The following ZNF382 variants were observed in gnomAD, a reference collection of about 807,000 sequenced individuals.
ZNF382 encodes zinc finger protein 382.
In ZNF382, 20 loss-of-function variants were observed where a neutral mutation model predicts 38.8. That is an observed-to-expected ratio of 0.51 (90% confidence interval 0.36 to 0.75). The LOEUF is 0.75. ZNF382 is among the 30% of genes least tolerant of loss of function. The pLI, the probability that ZNF382 is intolerant of heterozygous loss-of-function variation, is 0.00. For synonymous variants in ZNF382, 202 were observed against 223.1 expected (o/e 0.91, Z 0.84); for missense variants, 546 against 654.1 (o/e 0.83, Z 1.80).
intron 4 of ZNF382, among the ~76,000 whole-genome samples, chr19:36,619,691 G>A (rs530168865): frequency 6.6e-6 from 1 of 152,208 alleles, no homozygotes; most frequent in South Asian, 2.1e-4. Context: ...TATGTTTGAG[G>A]CTGGGTTACT....
intron 4 of ZNF382, among the ~76,000 whole-genome samples, chr19:36,620,677 G>A (rs1172317913): frequency 6.6e-6 from 1 of 151,944 alleles, no homozygotes; most frequent in African/African-American, 2.4e-5. Flanking sequence ...ACTATCAATT[G>A]TCCTATCCTT....
chr19:36,626,149 A>G lies in ZNF382; in HGVS notation c.252A>G (p.Glu84=). The part of the protein sequence containing the change: ...YSYLEEDGKT[E]DVLVKFKEYQ... ...TTCTAGAAGAAGATGGGAAAACTGA[A>G]GATGTCTTAGTGAAGTTCAAAGAAT... The change falls in exon 5 of 5, where the codon GAA becomes GAG. Residue 84 remains glutamate (E), a synonymous_variant. Coordinates refer to ENST00000292928, the MANE Select transcript of ZNF382 (RefSeq NM_032825.5). The G allele has an allele frequency of 1.3e-6, 2 of 1,547,790 alleles. No individual in the cohort carries two copies. The highest frequency in any genetic ancestry group is 1.7e-6 in the Non-Finnish European group (2 of 1,154,160).
At chr19:36,607,750 A>C (rs917666157) in intron 2 of ZNF382, 128 bp downstream of exon 2, 2 of 1,005,014 alleles carry the variant, frequency 2.0e-6, no homozygotes, top group Non-Finnish European at 2.8e-6. Context: ...AGTCAGGGCC[A>C]GATTAGGCTG....
intron 4 of ZNF382, among the ~76,000 whole-genome samples, chr19:36,622,920 A>G (rs1195347601): frequency 2.6e-5 from 4 of 152,182 alleles, no homozygotes. Context: ...TGACTACTGT[A>G]TAGACTATGT....
In ZNF382 at chr19:36,610,165, ATAT is replaced by A. The variant is rs2037065828; in HGVS notation, c.139+116_139+118del. On this transcript the variant is annotated intron_variant, in intron 3 of 4. Transcript: ENST00000292928. The stretch of plus-strand genomic sequence containing the variant: ...GAGGTGATTATTTTTTTGGCAGAAA[ATAT>A]TATATTGCCAGGCACAGTGGCTCAC... The A allele has an allele frequency of 1.0e-5, 14 of 1,372,536 alleles. No individual in the cohort carries two copies. The East Asian group carries it at 3.1e-4, about 31-fold the overall frequency. The allele number at this position is 1,372,536 out of a possible 1,614,324, so 85.0% of individuals were successfully genotyped here. A position where few individuals can be genotyped will look rare whatever the true frequency, so the allele number is the denominator to read the frequency against.
At position 36,610,052 on chromosome 19, in the gene ZNF382, G is replaced by C; in HGVS notation, c.138G>C (p.Val46=). The change falls in exon 3 of 5, where the codon GTG becomes GTC. Residue 46 remains valine (V), a splice_region_variant and synonymous_variant. Coordinates refer to ENST00000292928, the MANE Select transcript of ZNF382 (RefSeq NM_032825.5). ...AAAACTATTGCCACTTCGTATCTGT[G>C]GGTAAGAAACACTCCTGAATCTTTC... ...MLENYCHFVS[V]GFHMAKPDMI... The C allele has an allele frequency of 6.2e-7, 1 of 1,613,586 alleles. No individual in the cohort carries two copies. Among genetic ancestry groups the C allele is most frequent in the Non-Finnish European group, 8.5e-7 (1 of 1,179,846 alleles).
intron 4 of ZNF382, among the ~76,000 whole-genome samples, chr19:36,611,268 C>T (rs1371908322): frequency 6.6e-6 from 1 of 151,852 alleles, no homozygotes; most frequent in African/African-American, 2.4e-5. Flanking sequence ...CCAGCCTAGG[C>T]GACAGAGCGA....
Position 36,607,585 on chromosome 19 carries a change from GA to G in ZNF382, c.-50del, listed in dbSNP as rs2037044734. The G allele has an allele frequency of 2.0e-6, 3 of 1,534,624 alleles. No homozygotes were observed. The highest frequency in any genetic ancestry group is 2.7e-5 in the African/African-American group (2 of 73,046). ...CTTTTTCCAAAAGAGGAGCTCAAAA[GA>G]GAAAGTTCATCTAGAAATCTCAAAG... is the stretch of plus-strand genomic sequence containing the variant. On this transcript the variant is annotated 5_prime_UTR_variant, in exon 2 of 5. Transcript: ENST00000292928.
Position 36,627,120 on chromosome 19 carries a change from A to G in ZNF382, c.1223A>G (p.Tyr408Cys). ...HQRTHTGEKP[Y>C]QCNECGKAFI... ...AGAACTCACACAGGAGAGAAACCGTATCAGTGTAATGAGTGTGGGAAGGCA... is the reference window on the plus strand; with the variant it reads ...AGAACTCACACAGGAGAGAAACCGTGTCAGTGTAATGAGTGTGGGAAGGCA... Residue 408 changes from tyrosine (Y) to cysteine (C), a missense_variant, in exon 5 of 5, where the codon TAT becomes TGT. Tyr to Cys is a radical substitution (Grantham distance 194). Coordinates refer to ENST00000292928, the MANE Select transcript of ZNF382 (RefSeq NM_032825.5). The G allele has an allele frequency of 6.2e-7, 1 of 1,614,190 alleles. No individual in the cohort carries two copies. The highest frequency in any genetic ancestry group is 8.5e-7 in the Non-Finnish European group (1 of 1,180,030).
rs754114549 is a variant in ZNF382, at chr19:36,626,348, A to G, written c.451A>G (p.Ile151Val). Reference sequence around the variant, plus strand: ...TTTGAAAAATATTTCAGAACTAGTCATTAGAAATATAAGCCCCATAAAAGA... The same window carrying G: ...TTTGAAAAATATTTCAGAACTAGTCGTTAGAAATATAAGCCCCATAAAAGA... ...KVLKNISELV[I>V]RNISPIKEKF... Residue 151 changes from isoleucine to valine, a missense_variant, in exon 5 of 5, where the codon ATT (isoleucine) becomes GTT (valine). Ile to Val is a conservative substitution (Grantham distance 29, BLOSUM62 3). Transcript: ENST00000292928. 9.5e-6 allele frequency: 15 copies of G among 1,581,902 alleles called. No homozygotes were observed. Among genetic ancestry groups the G allele is most frequent in the Non-Finnish European group, 1.2e-5 (14 of 1,169,164 alleles).
Position 36,626,235 on chromosome 19 carries a change from G to A in ZNF382, c.338G>A (p.Arg113Lys), listed in dbSNP as rs772538250. 8.1e-6 allele frequency: 13 copies of A among 1,609,060 alleles called. No individual in the cohort carries two copies. The highest frequency in any genetic ancestry group is 3.4e-6 in the Non-Finnish European group (4 of 1,178,624). Reference sequence around the variant, plus strand: ...AACCACAAAAAACTAATTAAGGAGAGAAGTAATATTTATGGTAAAACATTT... The same window carrying A: ...AACCACAAAAAACTAATTAAGGAGAAAAGTAATATTTATGGTAAAACATTT... ...FINHKKLIKE[R>K]SNIYGKTFTL... The change falls in exon 5 of 5, where the codon AGA becomes AAA. Residue 113 changes from arginine (R) to lysine (K), a missense_variant. By Grantham distance (26) the Arg-to-Lys change is conservative. Coordinates refer to ENST00000292928, the MANE Select transcript of ZNF382 (RefSeq NM_032825.5).
chr19:36,630,945 C>T lies in ZNF382; in HGVS notation c.*3395C>T, dbSNP rs1446310316. The stretch of plus-strand genomic sequence containing the variant: ...GACTACAGGCAGGCGCCATTCCTCT[C>T]AGCTAATGTTTTTATTTTTTATACA... On this transcript the variant is annotated 3_prime_UTR_variant, in exon 5 of 5. Transcript: ENST00000292928. The T allele has an allele frequency of 6.6e-6, 1 of 151,868 alleles. No homozygotes were observed. The highest frequency in any genetic ancestry group is 1.5e-5 in the Non-Finnish European group (1 of 67,990). 9.4% of individuals were successfully genotyped at this position (151,868 alleles called of 1,614,324 possible). A position where few individuals can be genotyped will look rare whatever the true frequency, so the allele number is the denominator to read the frequency against.
chr19:36,620,867 T>C (rs772735100), intron 4 of ZNF382, among the ~76,000 whole-genome samples: 37 of 152,032 alleles, frequency 2.4e-4, no homozygotes, highest in African/African-American at 3.9e-4. Flanking sequence ...CAAGTGATCC[T>C]CTCTCCTCAG....
chr19:36,609,780 A>G, intron 2 of ZNF382, 122 bp from the exon 3 acceptor site: 2 of 826,960 alleles, frequency 2.4e-6, no homozygotes, highest in South Asian at 2.3e-5. Context: ...ATACAAATGG[A>G]TGTATTTTCA....
intron 1 of ZNF382, among the ~76,000 whole-genome samples, chr19:36,606,882 A>G (rs2037034148): frequency 6.6e-6 from 1 of 151,908 alleles, no homozygotes; most frequent in African/African-American, 2.4e-5. Flanking sequence ...ATTCGAGACC[A>G]GCCTGACCAA....
At chr19:36,615,389 A>G (rs1488247055) in intron 4 of ZNF382, among the ~76,000 whole-genome samples, 2 of 152,220 alleles carry the variant, frequency 1.3e-5, no homozygotes, top group East Asian at 1.9e-4. Context: ...TCTGCTACAT[A>G]CTAGCATTCT....
At position 36,631,692 on chromosome 19, in the gene ZNF382, A is replaced by G. The variant is rs1308758160; in HGVS notation, c.*4142A>G. 6.6e-6 allele frequency: 1 copy of G among 152,126 alleles called. No individual in the cohort carries two copies. Among genetic ancestry groups the G allele is most frequent in the South Asian group, 2.1e-4 (1 of 4,830 alleles). The allele number at this position is 152,126 out of a possible 1,614,324, so 9.4% of individuals were successfully genotyped here. Reference sequence around the variant, plus strand: ...TGAGCCACCATGCCTGGCTGGTACTATAATCTTATGAGACCACCATTATAT... The same window carrying G: ...TGAGCCACCATGCCTGGCTGGTACTGTAATCTTATGAGACCACCATTATAT... On this transcript the variant is annotated 3_prime_UTR_variant, in exon 5 of 5. Coordinates refer to ENST00000292928, the MANE Select transcript of ZNF382 (RefSeq NM_032825.5).
At position 36,626,861 on chromosome 19, in the gene ZNF382, A is replaced by G. The variant is rs2037218135; in HGVS notation, c.964A>G (p.Lys322Glu). 1 of 1,614,136 alleles carries G rather than the reference A, an allele frequency of 6.2e-7. No individual in the cohort carries two copies. The highest frequency in any genetic ancestry group is 1.1e-5 in the South Asian group (1 of 91,090). Residue 322 changes from lysine to glutamate, a missense_variant, in exon 5 of 5, where the codon AAA (lysine) becomes GAA (glutamate). Physicochemically the swap from Lys to Glu is moderately conservative, Grantham distance 56. Coordinates refer to ENST00000292928, the MANE Select transcript of ZNF382 (RefSeq NM_032825.5). ...ACATCAGCGAATTCACACAGGTGAAAAACCTTATGTTTGCAATCAATGTGG... is the reference window on the plus strand; with the variant it reads ...ACATCAGCGAATTCACACAGGTGAAGAACCTTATGTTTGCAATCAATGTGG... The part of the protein sequence containing the change: ...IEHQRIHTGE[K>E]PYVCNQCGKA...
chr19:36,621,350 G>GT (rs1307106915), intron 4 of ZNF382, among the ~76,000 whole-genome samples: 2 of 64,384 alleles, frequency 3.1e-5, no homozygotes, highest in African/African-American at 6.2e-5. Context: ...TTTTTTTCCA[G>GT]TTTTTTCTGT....
Sources: gnomAD v4.1 joint callset for allele counts (sites outside exome capture counted in the v4.1 genomes callset) on GRCh38, gnomAD v4.1.1 for gene constraint, MANE v1.5 for transcripts, NCBI Gene and HGNC (gene_info 2026-07-23, HGNC 2026-07-21) for gene names.